The following EPHA6 variants were observed in gnomAD, a reference collection of about 807,000 sequenced individuals.
EPHA6 encodes the protein ephrin type-A receptor 6.
In EPHA6, 50 loss-of-function variants were observed where a neutral mutation model predicts 112.0. The ratio of observed to expected loss-of-function variants is 0.45; its 90% CI spans 0.36 to 0.56. The LOEUF is 0.56. Ranked by LOEUF, EPHA6 falls within the 20% of genes least tolerant of loss-of-function variation. EPHA6 has a pLI of 0.00. For missense variants in EPHA6, 1,280 were observed against 1,417.4 expected (o/e 0.90, Z 1.56); for synonymous variants, 529 against 490.7 (o/e 1.08, Z -1.03).
At chr3:97,682,858 C>T (rs1022958467) in intron 14 of EPHA6, among the ~76,000 whole-genome samples, 1 of 152,126 alleles carries the variant, frequency 6.6e-6, no homozygotes. Flanking sequence ...AAACAAAATT[C>T]ATTCTCCCGT....
intron 14 of EPHA6, among the ~76,000 whole-genome samples, chr3:97,666,622 A>C (rs2030143749): frequency 6.6e-6 from 1 of 152,174 alleles, no homozygotes; most frequent in Admixed American, 6.5e-5. Context: ...TCATAAGGAC[A>C]CCAGGGATAT....
intron 5 of EPHA6, among the ~76,000 whole-genome samples, chr3:97,364,929 C>G (rs1430098656): frequency 1.3e-5 from 2 of 152,092 alleles, no homozygotes; most frequent in African/African-American, 2.4e-5. Flanking sequence ...CATACCTTCT[C>G]TCAGGTTGAT....
At position 97,752,822 on chromosome 3, in the gene EPHA6, GTTA is replaced by G. The variant is rs1362189136; in HGVS notation, c.*4126_*4128del. 1.3e-5 allele frequency among the ~76,000 whole-genome samples: 2 copies of G among 151,950 alleles called. No individual in the cohort carries two copies. Among genetic ancestry groups the G allele is most frequent in the Non-Finnish European group, 2.9e-5 (2 of 67,942 alleles). Reference sequence around the variant, plus strand: ...AATTAGTATTTTAAGATCAATATCTGTTATTATAAACTCACAGTTGGTGTCCAT... The same window carrying G: ...AATTAGTATTTTAAGATCAATATCTGTTATAAACTCACAGTTGGTGTCCAT... On this transcript the variant is annotated 3_prime_UTR_variant, in exon 18 of 18. Transcript: ENST00000389672.
chr3:97,581,629 C>G (rs2093439060), intron 11 of EPHA6, among the ~76,000 whole-genome samples: 1 of 152,244 alleles, frequency 6.6e-6, no homozygotes, highest in Admixed American at 6.5e-5. Context: ...TAATTGTCCT[C>G]ATAACATCAA....
At chr3:97,518,811 C>T (rs541905081) in intron 10 of EPHA6, among the ~76,000 whole-genome samples, 2 of 151,674 alleles carry the variant, frequency 1.3e-5, no homozygotes, top group Non-Finnish European at 2.9e-5. Flanking sequence ...TATCCTTTGC[C>T]CACTTTTTAA....
At chr3:97,731,324 C>T (rs796600392) in intron 15 of EPHA6, among the ~76,000 whole-genome samples, 5 of 151,956 alleles carry the variant, frequency 3.3e-5, no homozygotes, top group African/African-American at 1.2e-4. Flanking sequence ...CAAAAGAAAT[C>T]CAAGATACCT....
At chr3:96,994,732 T>G (rs200043777) in intron 3 of EPHA6, among the ~76,000 whole-genome samples, 26,115 of 81,836 alleles carry the variant, frequency 0.32, 4,269 homozygotes, top group Middle Eastern at 0.4. Context: ...TATATATATA[T>G]AGAGAGAGAG....
At chr3:97,408,223 A>G (rs544590307) in intron 6 of EPHA6, among the ~76,000 whole-genome samples, 1 of 152,152 alleles carries the variant, frequency 6.6e-6, no homozygotes, top group Non-Finnish European at 1.5e-5. Context: ...TAAGGGTTCC[A>G]CCTATTAATA....
intron 11 of EPHA6, among the ~76,000 whole-genome samples, chr3:97,578,614 C>G (rs1175620686): frequency 1.3e-5 from 2 of 152,204 alleles, no homozygotes; most frequent in African/African-American, 2.4e-5. Flanking sequence ...AGGTATAGGA[C>G]TTTCCTCAAT....
intron 12 of EPHA6, among the ~76,000 whole-genome samples, chr3:97,593,122 T>C (rs957045348): frequency 2.6e-5 from 4 of 151,960 alleles, no homozygotes; most frequent in African/African-American, 9.7e-5. Flanking sequence ...AGTAATTTCA[T>C]AGAGTTGATA....
chr3:97,619,222 G>C (rs1026047558), intron 13 of EPHA6, among the ~76,000 whole-genome samples: 3 of 151,992 alleles, frequency 2.0e-5, no homozygotes, highest in Admixed American at 2.0e-4. Context: ...ACTCCTTCAT[G>C]TTAAAAACTC....
intron 3 of EPHA6, among the ~76,000 whole-genome samples, chr3:97,105,099 C>A (rs1576496532): frequency 6.6e-6 from 1 of 150,700 alleles, no homozygotes; most frequent in East Asian, 2.0e-4. Context: ...TCCTCGATTT[C>A]TTTGCCTTTG....
chr3:97,384,171 C>G (rs1176186846), intron 5 of EPHA6, among the ~76,000 whole-genome samples: 1 of 152,092 alleles, frequency 6.6e-6, no homozygotes, highest in Non-Finnish European at 1.5e-5. Flanking sequence ...AACAAGCCAA[C>G]TATTTTGAGT....
At chr3:97,257,052 A>C (rs2079338166) in intron 5 of EPHA6, among the ~76,000 whole-genome samples, 1 of 152,154 alleles carries the variant, frequency 6.6e-6, no homozygotes, top group Non-Finnish European at 1.5e-5. Context: ...AGGATAAAGA[A>C]TATATCTCAA....
intron 3 of EPHA6, among the ~76,000 whole-genome samples, chr3:97,185,438 T>A (rs1424443719): frequency 2.6e-5 from 4 of 152,062 alleles, no homozygotes; most frequent in Non-Finnish European, 5.9e-5. Context: ...AAGAAGACAT[T>A]TATGCAGCCA....
intron 10 of EPHA6, among the ~76,000 whole-genome samples, chr3:97,501,518 A>C (rs937446688): frequency 1.3e-5 from 2 of 152,054 alleles, no homozygotes; most frequent in African/African-American, 4.8e-5. Context: ...ACTTTAAAAA[A>C]CAGAGAATTT....
intron 9 of EPHA6, chr3:97,481,101 A>G (rs2034942): frequency 0.14 from 76,569 of 537,124 alleles, 8,711 homozygotes; most frequent in African/African-American, 0.39. Context: ...TGCAATCTCG[A>G]CACTTTGGGA....
chr3:96,862,674 A>G lies in EPHA6; in HGVS notation c.386-4151A>G, dbSNP rs2036077235. The stretch of plus-strand genomic sequence containing the variant: ...GAATAAAGATGATCTTCTATTATAT[A>G]CTATAAATCAATATGCTAATTGTTT... On this transcript the variant is annotated intron_variant, in intron 1 of 17. Transcript: ENST00000389672. 1.3e-5 allele frequency among the ~76,000 whole-genome samples: 2 copies of G among 152,044 alleles called. 1 individual carries two copies. The highest frequency in any genetic ancestry group is 4.1e-4 in the South Asian group (2 of 4,826).
chr3:97,287,477 A>C (rs990402366), intron 5 of EPHA6, among the ~76,000 whole-genome samples: 6 of 152,174 alleles, frequency 3.9e-5, no homozygotes, highest in South Asian at 2.1e-4. Flanking sequence ...AAACAAAAAA[A>C]AAACAAACAA....
Sources: gnomAD v4.1 joint callset for allele counts (sites outside exome capture counted in the v4.1 genomes callset) on GRCh38, gnomAD v4.1.1 for gene constraint, MANE v1.5 for transcripts, NCBI Gene and HGNC (gene_info 2026-07-23, HGNC 2026-07-21) for gene names.